The following XKRX variants were observed in gnomAD, a reference collection of about 807,000 sequenced individuals.
The protein encoded by XKRX is XK-related protein 2.
In XKRX, 11 loss-of-function variants were observed where a neutral mutation model predicts 22.4. That is an observed-to-expected ratio of 0.49 (90% confidence interval 0.31 to 0.81). The LOEUF (loss-of-function observed/expected upper bound fraction) is 0.81, where lower values mean the gene tolerates loss of function less well. Among genes scored for constraint, XKRX ranks in the 40% least tolerant of loss-of-function variants. XKRX has a pLI of 0.05. For synonymous variants in XKRX, 114 were observed against 132.2 expected (o/e 0.86, Z 0.94); for missense variants, 320 against 336.5 (o/e 0.95, Z 0.38).
At chrX:100,909,397 A>C (rs965838835), downstream of XKRX, among the ~76,000 whole-genome samples, 2 of 112,023 alleles carry the variant, frequency 1.8e-5, no homozygotes, top group African/African-American at 6.5e-5. Flanking sequence ...CTAACACATT[A>C]AAATGCTTTC....
the XKRX span, among the ~76,000 whole-genome samples, chrX:100,896,496 A>C: frequency 5.4e-5 from 6 of 112,051 alleles, no homozygotes; most frequent in East Asian, 5.5e-4. Context: ...ACACACATAC[A>C]TGTGTGGTTA....
chrX:100,945,561 T>A, the XKRX span, among the ~76,000 whole-genome samples: 1 of 111,917 alleles, frequency 8.9e-6, no homozygotes, highest in Non-Finnish European at 1.9e-5. Context: ...GACCACATTT[T>A]TATTTTAGAA....
At chrX:100,943,612 C>T in the XKRX span, among the ~76,000 whole-genome samples, 1 of 111,861 alleles carries the variant, frequency 8.9e-6, no homozygotes, top group Non-Finnish European at 1.9e-5. Context: ...CCATGTTGGC[C>T]AGCCTGGTCT....
In XKRX at chrX:100,928,180, A is replaced by G; in HGVS notation, c.125T>C (p.Phe42Ser). Residue 42 changes from phenylalanine to serine, a missense_variant, in exon 1 of 3, where the codon TTT becomes TCT. By Grantham distance (155) the Phe-to-Ser change is radical (BLOSUM62 -2). Coordinates refer to ENST00000372956, the MANE Select transcript of XKRX (RefSeq NM_212559.3). Reference protein sequence around the residue: ...TFPFSILFSTFLYCGEAASAL... With the variant: ...TFPFSILFSTSLYCGEAASAL... ...AGATGCAGCCTCCCCACAGTACAAA[A>G]AGGTGGAGAAAAGGATGCTAAATGG... The G allele has an allele frequency of 8.3e-7, 1 of 1,211,969 alleles. No individual in the cohort carries two copies. Among genetic ancestry groups the G allele is most frequent in the Non-Finnish European group, 1.1e-6 (1 of 895,583 alleles).
chrX:100,938,458 G>A, the XKRX span, among the ~76,000 whole-genome samples: 1 of 111,016 alleles, frequency 9.0e-6, no homozygotes, highest in Non-Finnish European at 1.9e-5. Context: ...GTGAAATCTC[G>A]TCTCTACTAA....
chrX:100,899,726 G>A, the XKRX span, among the ~76,000 whole-genome samples: 1 of 111,874 alleles, frequency 8.9e-6, no homozygotes, highest in African/African-American at 3.2e-5. Context: ...CAATGTAAAA[G>A]TGAAATTAAG....
At chrX:100,893,685 C>T in the XKRX span, among the ~76,000 whole-genome samples, 2 of 111,901 alleles carry the variant, frequency 1.8e-5, no homozygotes, top group South Asian at 3.7e-4. Context: ...AGCTGAAGGC[C>T]ATTATCCTAA....
chrX:100,951,279 C>A, the XKRX span, among the ~76,000 whole-genome samples: 1 of 97,678 alleles, frequency 1.0e-5, no homozygotes, highest in African/African-American at 3.8e-5. Flanking sequence ...GGGAGGGGGA[C>A]AAAGGTTGAA....
At chrX:100,956,499 G>T in the XKRX span, 1 of 335,354 alleles carries the variant, frequency 3.0e-6, no homozygotes, top group Non-Finnish European at 5.2e-6. Flanking sequence ...CCATTTATAT[G>T]ACAGTCTTGA....
At chrX:100,950,527 C>T in the XKRX span, among the ~76,000 whole-genome samples, 227 of 112,076 alleles carry the variant, frequency 2.0e-3, 1 homozygote, top group African/African-American at 7.1e-3. Context: ...CCACCATCAA[C>T]CATCAAGGTC....
chrX:100,956,894 A>G, the XKRX span: 21 of 928,735 alleles, frequency 2.3e-5, no homozygotes, highest in Non-Finnish European at 3.0e-5. Flanking sequence ...GTCACAAGTG[A>G]GTCTAATTTT....
chrX:100,954,243 AC>A, the XKRX span, among the ~76,000 whole-genome samples: 1 of 110,660 alleles, frequency 9.0e-6, no homozygotes, highest in Non-Finnish European at 1.9e-5. Flanking sequence ...ACATGGTGAA[AC>A]CCCATCTCTA....
chrX:100,892,787 A>T, the XKRX span, among the ~76,000 whole-genome samples: 3 of 112,421 alleles, frequency 2.7e-5, no homozygotes, highest in African/African-American at 9.7e-5. Flanking sequence ...AAAAAGTTAA[A>T]AACAGAATTA....
chrX:100,910,809 G>A, downstream of XKRX: 8 of 787,289 alleles, frequency 1.0e-5, no homozygotes, highest in Non-Finnish European at 1.6e-5. Context: ...GAGAGGCTAC[G>A]AACGTTCAAA....
chrX:100,915,821 G>C (rs945567170), intron 2 of XKRX, among the ~76,000 whole-genome samples: 2 of 109,862 alleles, frequency 1.8e-5, no homozygotes, highest in Admixed American at 9.9e-5. Context: ...AAATGAGCTA[G>C]ACACATAAAG....
chrX:100,899,419 G>C, the XKRX span, among the ~76,000 whole-genome samples: 1,610 of 112,266 alleles, frequency 0.014, 25 homozygotes, highest in African/African-American at 0.05. Context: ...AGAGGTTGAG[G>C]GGGGAGGATC....
chrX:100,930,689 A>G (rs2085518701), upstream of XKRX, among the ~76,000 whole-genome samples: 1 of 111,016 alleles, frequency 9.0e-6, no homozygotes, highest in African/African-American at 3.3e-5. Flanking sequence ...ATTAGTTGGG[A>G]CATTCCAACT....
chrX:100,906,912 A>G, the XKRX span, among the ~76,000 whole-genome samples: 1 of 111,738 alleles, frequency 8.9e-6, no homozygotes, highest in Non-Finnish European at 1.9e-5. Flanking sequence ...CTCTGCCTCC[A>G]TCTTCGCATC....
chrX:100,916,819 G>A (rs762079539), intron 2 of XKRX, among the ~76,000 whole-genome samples: 39 of 112,414 alleles, frequency 3.5e-4, no homozygotes, highest in African/African-American at 1.1e-3. Flanking sequence ...TTAGAGAGGT[G>A]CATAAAATAC....
Sources: gnomAD v4.1 joint callset for allele counts (sites outside exome capture counted in the v4.1 genomes callset) on GRCh38, gnomAD v4.1.1 for gene constraint, MANE v1.5 for transcripts, NCBI Gene and HGNC (gene_info 2026-07-23, HGNC 2026-07-21) for gene names.